The following FGD4 variants were observed in gnomAD, a reference collection of about 807,000 sequenced individuals.
The protein encoded by FGD4 is FYVE, RhoGEF and PH domain-containing protein 4.
Under a neutral mutation model 102.0 loss-of-function variants are expected in FGD4, and 42 were observed. The ratio of observed to expected loss-of-function variants is 0.41; its 90% CI spans 0.32 to 0.53. The LOEUF (loss-of-function observed/expected upper bound fraction) is 0.53, where lower values mean the gene tolerates loss of function less well. FGD4 is among the 20% of genes least tolerant of loss of function. The pLI is 0.21. For synonymous variants in FGD4, 380 were observed against 375.7 expected (o/e 1.01, Z -0.13); for missense variants, 902 against 1,078.2 (o/e 0.84, Z 2.29).
At chr12:32,485,918 G>T in intron 1 of FGD4, 1 of 1,270,462 alleles carries the variant, frequency 7.9e-7, no homozygotes, top group Non-Finnish European at 9.9e-7. Context: ...AGTTCCTTGA[G>T]CCTGCATCAC....
At chr12:32,523,523 G>T (rs1940769330) in intron 1 of FGD4, among the ~76,000 whole-genome samples, 1 of 152,160 alleles carries the variant, frequency 6.6e-6, no homozygotes, top group Non-Finnish European at 1.5e-5. Flanking sequence ...GGTAGGTATG[G>T]ATGAAAGAGA....
intron 1 of FGD4, among the ~76,000 whole-genome samples, chr12:32,469,277 T>C (rs1943351123): frequency 6.6e-6 from 1 of 152,054 alleles, no homozygotes; most frequent in Non-Finnish European, 1.5e-5. Flanking sequence ...CCCTAATTTG[T>C]TATCTTTTAT....
At position 32,644,493 on chromosome 12, in the gene FGD4, T is replaced by C. The variant is rs1218089782; in HGVS notation, c.*3960T>C. On this transcript the variant is annotated 3_prime_UTR_variant, in exon 17 of 17. Transcript: ENST00000534526. ...CTATCGAAATTGTTTAACTTAAATA[T>C]TTTAACATAAATTATTTACATGGAT... 8 of 152,168 alleles carry C rather than the reference T, an allele frequency of 5.3e-5. No homozygotes were observed. The highest frequency in any genetic ancestry group is 1.7e-4 in the African/African-American group (7 of 41,446). The allele number at this position is 152,168 out of a possible 1,614,324, so 9.4% of individuals were successfully genotyped here.
intron 1 of FGD4, among the ~76,000 whole-genome samples, chr12:32,553,516 G>A (rs974964547): frequency 3.9e-5 from 6 of 152,144 alleles, no homozygotes; most frequent in African/African-American, 1.4e-4. Flanking sequence ...TGTCAACTGC[G>A]TGGCCACATT....
At chr12:32,547,793 G>A (rs947725756) in intron 1 of FGD4, among the ~76,000 whole-genome samples, 11 of 152,248 alleles carry the variant, frequency 7.2e-5, no homozygotes, top group Non-Finnish European at 1.5e-4. Flanking sequence ...TACAATCTCC[G>A]CCTCCCGGGT....
chr12:32,466,947 A>G (rs1943271040), intron 1 of FGD4, among the ~76,000 whole-genome samples: 1 of 151,624 alleles, frequency 6.6e-6, no homozygotes, highest in South Asian at 2.1e-4. Context: ...TTTAGAGGGC[A>G]TCAGCCTTCA....
chr12:32,426,977 A>G (rs1941859614), intron 1 of FGD4, among the ~76,000 whole-genome samples: 1 of 149,900 alleles, frequency 6.7e-6, no homozygotes, highest in Admixed American at 6.6e-5. Context: ...TAGTCTGGCT[A>G]GTGGTCTATT....
rs149918844 is a variant in FGD4 at position 32,567,483 on chromosome 12, A to G, written c.319+3194A>G. 6.6e-3 allele frequency among the ~76,000 whole-genome samples: 1,005 copies of G among 152,164 alleles called. 2 individuals carry two copies. Among genetic ancestry groups the G allele is most frequent in the Middle Eastern group, 0.024 (7 of 294 alleles). Reference sequence around the variant, plus strand: ...CTTGACACTGCTTGTGGGAGTTGCTACTTGCAGCCAGTGAGTGCAGGGTAG... The same window carrying G: ...CTTGACACTGCTTGTGGGAGTTGCTGCTTGCAGCCAGTGAGTGCAGGGTAG... On this transcript the variant is annotated intron_variant, in intron 2 of 16. Coordinates refer to ENST00000534526, the MANE Select transcript of FGD4 (RefSeq NM_001370298.3).
chr12:32,547,829 C>T (rs1328231242), intron 1 of FGD4, among the ~76,000 whole-genome samples: 1 of 152,152 alleles, frequency 6.6e-6, no homozygotes, highest in East Asian at 1.9e-4. Flanking sequence ...GCTTCAGCCT[C>T]CTGAGTAGCT....
At chr12:32,630,992 TA>T (rs200056679) in intron 14 of FGD4, among the ~76,000 whole-genome samples, 5 of 149,380 alleles carry the variant, frequency 3.3e-5, no homozygotes, top group African/African-American at 4.9e-5. Context: ...CTCAAAAAAA[TA>T]AAAAAAAAAT....
chr12:32,491,146 A>C (rs898780142), intron 1 of FGD4, among the ~76,000 whole-genome samples: 17 of 151,066 alleles, frequency 1.1e-4, no homozygotes, highest in South Asian at 4.2e-4. Context: ...AAAAAAAAAA[A>C]AAAACAAAAA....
chr12:32,474,282 C>T (rs1390834696), intron 1 of FGD4, among the ~76,000 whole-genome samples: 1 of 152,110 alleles, frequency 6.6e-6, no homozygotes, highest in African/African-American at 2.4e-5. Context: ...ACCATAGTTC[C>T]ACAGAAAACC....
intron 5 of FGD4, 71 bp from the exon 6 acceptor site, chr12:32,601,207 A>G: frequency 2.0e-6 from 3 of 1,509,158 alleles, no homozygotes; most frequent in South Asian, 2.4e-5. Flanking sequence ...AGAGCCCACT[A>G]TGTGCCTAGC....
chr12:32,539,123 C>T (rs1942577546), intron 1 of FGD4, among the ~76,000 whole-genome samples: 1 of 152,036 alleles, frequency 6.6e-6, no homozygotes, highest in Non-Finnish European at 1.5e-5. Flanking sequence ...ATATACTTGC[C>T]CCACTTTTTG....
At chr12:32,485,747 A>T (rs1352304441) in intron 1 of FGD4, 1 of 721,046 alleles carries the variant, frequency 1.4e-6, no homozygotes, top group Non-Finnish European at 1.7e-6. Context: ...CCTGACCAAG[A>T]CCTATTTTTA....
intron 2 of FGD4, among the ~76,000 whole-genome samples, chr12:32,567,340 T>A (rs999901740): frequency 2.6e-5 from 4 of 152,214 alleles, no homozygotes; most frequent in African/African-American, 9.7e-5. Flanking sequence ...CTATGTTGTT[T>A]TAGTTTAATT....
intron 1 of FGD4, among the ~76,000 whole-genome samples, chr12:32,424,864 G>A (rs1028680968): frequency 1.4e-4 from 21 of 152,122 alleles, no homozygotes; most frequent in Non-Finnish European, 2.9e-4. Flanking sequence ...CTGCATAAAT[G>A]TCTTCTTTAG....
chr12:32,526,227 G>A (rs1455434057), intron 1 of FGD4, among the ~76,000 whole-genome samples: 3 of 151,962 alleles, frequency 2.0e-5, no homozygotes, highest in Middle Eastern at 3.2e-3. Flanking sequence ...AGGTTTGTGA[G>A]CGCACCAGTC....
At chr12:32,497,181 G>A (rs1937873420) in intron 1 of FGD4, among the ~76,000 whole-genome samples, 1 of 152,146 alleles carries the variant, frequency 6.6e-6, no homozygotes, top group African/African-American at 2.4e-5. Flanking sequence ...CTAACCACAT[G>A]AGAGGAATGA....
Sources: gnomAD v4.1 joint callset for allele counts (sites outside exome capture counted in the v4.1 genomes callset) on GRCh38, gnomAD v4.1.1 for gene constraint, MANE v1.5 for transcripts, NCBI Gene and HGNC (gene_info 2026-07-23, HGNC 2026-07-21) for gene names.